Variants in C6orf141 observed in about 807,000 individuals in gnomAD.
C6orf141 encodes the protein uncharacterized protein C6orf141.
For missense variants in C6orf141, 361 were observed against 335.8 expected (o/e 1.07, Z -0.59); for synonymous variants, 164 against 140.5 (o/e 1.17, Z -1.18).
chr6:49,561,423 T>G (rs1773305275), intron 4 of C6orf141, among the ~76,000 whole-genome samples: 1 of 152,138 alleles, frequency 6.6e-6, no homozygotes, highest in South Asian at 2.1e-4. Context: ...TAGAGCTCGC[T>G]TTGAGTGTAC....
downstream of C6orf141, chr6:49,554,915 C>T (rs903455180): frequency 6.6e-6 from 1 of 152,148 alleles, no homozygotes; most frequent in African/African-American, 2.4e-5. Flanking sequence ...ATTTGAAGAG[C>T]CTGAGAAATC....
intron 4 of C6orf141, among the ~76,000 whole-genome samples, chr6:49,558,210 C>T (rs1772447815): frequency 6.6e-6 from 1 of 151,520 alleles, no homozygotes; most frequent in Admixed American, 6.6e-5. Flanking sequence ...GCCTCTAATG[C>T]AATAGTCTTG....
In C6orf141 at chr6:49,551,834, C is replaced by G; in HGVS notation, c.*307C>G. ...TTAATTTGCATTTTGGAATAACTCT[C>G]AATTGATCTCTTTTCTGTTCCCCGC... On this transcript the variant is annotated 3_prime_UTR_variant, in exon 1 of 1. Coordinates refer to ENST00000529246, the MANE Select transcript of C6orf141 (RefSeq NM_001145652.2). 1.6e-6 allele frequency: 2 copies of G among 1,222,456 alleles called. No individual in the cohort carries two copies. The highest frequency in any genetic ancestry group is 2.1e-6 in the Non-Finnish European group (2 of 967,634). The allele number at this position is 1,222,456 out of a possible 1,614,324, so 75.7% of individuals were successfully genotyped here. A position where few individuals can be genotyped will look rare whatever the true frequency, so the allele number is the denominator to read the frequency against.
Position 49,551,251 on chromosome 6 carries a change from C to G in C6orf141, c.459C>G (p.Asp153Glu), listed in dbSNP as rs763220459. The G allele has an allele frequency of 1.9e-6, 3 of 1,551,536 alleles. No homozygotes were observed. The highest frequency in any genetic ancestry group is 1.7e-6 in the Non-Finnish European group (2 of 1,146,982). ...TAGCCCCGCCGCGGGACGCAGCAGACCCACCCAAATACGTGCTTGTGCGGG... is the reference window on the plus strand; with the variant it reads ...TAGCCCCGCCGCGGGACGCAGCAGAGCCACCCAAATACGTGCTTGTGCGGG... The part of the protein sequence containing the change: ...RRVAPPRDAA[D>E]PPKYVLVRVE... Residue 153 changes from aspartate (D) to glutamate (E), a missense_variant, in exon 1 of 1, where the codon GAC becomes GAG. Physicochemically the swap from Asp to Glu is conservative, Grantham distance 45. Transcript: ENST00000529246.
exon 1 of C6orf141, chr6:49,551,257 C>CA (rs1561990185): frequency 6.4e-7 from 1 of 1,551,640 alleles, no homozygotes; most frequent in Admixed American, 2.0e-5. Context: ...CAGACCCACC[C>CA]AAATACGTGC....
At chr6:49,550,895 G>T (rs1481492609) in exon 1 of C6orf141, 1 of 1,525,654 alleles carries the variant, frequency 6.6e-7, no homozygotes, top group African/African-American at 1.4e-5. Context: ...TTTTCCGCGG[G>T]AGGTAGGGCG....
intron 4 of C6orf141, among the ~76,000 whole-genome samples, chr6:49,560,339 G>T (rs1331603790): frequency 6.6e-6 from 1 of 151,964 alleles, no homozygotes; most frequent in Non-Finnish European, 1.5e-5. Context: ...GAAAGAGATT[G>T]GTCATTTTTC....
Position 49,551,934 on chromosome 6 carries a change from G to C in C6orf141, c.*407G>C, listed in dbSNP as rs539812658. 3.4e-4 allele frequency: 347 copies of C among 1,035,572 alleles called. 1 individual carries two copies. In the African/African-American group the frequency reaches 5.6e-3, roughly 17 times the overall value. 64.1% of individuals were successfully genotyped at this position (1,035,572 alleles called of 1,614,324 possible). A position where few individuals can be genotyped will look rare whatever the true frequency, so the allele number is the denominator to read the frequency against. On this transcript the variant is annotated 3_prime_UTR_variant, in exon 1 of 1. Coordinates refer to ENST00000529246, the MANE Select transcript of C6orf141 (RefSeq NM_001145652.2). The stretch of plus-strand genomic sequence containing the variant: ...TCTGCTCTCTGCAAAGAGGGTGGGA[G>C]TGGGTGGAGAAGAGGCTTGTTTTAA...
In C6orf141 at chr6:49,551,911, T is replaced by C. The variant is rs1436625205; in HGVS notation, c.*384T>C. On this transcript the variant is annotated 3_prime_UTR_variant, in exon 1 of 1. Transcript: ENST00000529246. The stretch of plus-strand genomic sequence containing the variant: ...AGAAACAGAAGTGAAGTTTGAAGTC[T>C]GCTCTCTGCAAAGAGGGTGGGAGTG... 2.8e-6 allele frequency: 3 copies of C among 1,089,752 alleles called. No homozygotes were observed. Among genetic ancestry groups the C allele is most frequent in the Non-Finnish European group, 3.4e-6 (3 of 886,182 alleles). 67.5% of individuals were successfully genotyped at this position (1,089,752 alleles called of 1,614,324 possible). A position where few individuals can be genotyped will look rare whatever the true frequency, so the allele number is the denominator to read the frequency against.
chr6:49,558,793 C>T lies in C6orf141; in HGVS notation c.*764-2911C>T, dbSNP rs143136700. Reference sequence around the variant, plus strand: ...CACGATCTTGGCTCACTGCAAGCTCCGCCTCCTGGGTCCACGTGATTCTCC... The same window carrying T: ...CACGATCTTGGCTCACTGCAAGCTCTGCCTCCTGGGTCCACGTGATTCTCC... On this transcript the variant is annotated intron_variant and NMD_transcript_variant, in intron 4 of 4. Transcript: ENST00000371194. Among the ~76,000 whole-genome samples, 902 of 151,906 alleles carry T rather than the reference C, an allele frequency of 5.9e-3. 9 individuals carry two copies. Among genetic ancestry groups the T allele is most frequent in the African/African-American group, 0.02 (834 of 41,452 alleles).
At chr6:49,558,057 A>ATGTTTTTTTGTTTTTTTTT (rs1287712748) in intron 4 of C6orf141, among the ~76,000 whole-genome samples, 24 of 86,370 alleles carry the variant, frequency 2.8e-4, no homozygotes, top group African/African-American at 1.0e-3. Context: ...ACACTCAAAT[A>ATGTTTTTTTGTTTTTTTTT]TGTTTTTTTT....
At chr6:49,560,638 A>T (rs1773126823) in intron 4 of C6orf141, 1 of 152,208 alleles carries the variant, frequency 6.6e-6, no homozygotes, top group Non-Finnish European at 1.5e-5. Context: ...AGTAGCTGGG[A>T]TTACAGGCGC....
intron 4 of C6orf141, among the ~76,000 whole-genome samples, chr6:49,561,448 C>T (rs907683112): frequency 6.6e-6 from 1 of 152,092 alleles, no homozygotes; most frequent in Non-Finnish European, 1.5e-5. Flanking sequence ...TGTCTTCAAT[C>T]CTTATATATA....
At chr6:49,555,511 G>GTTTT, downstream of C6orf141, among the ~76,000 whole-genome samples, 2 of 24,892 alleles carry the variant, frequency 8.0e-5, no homozygotes, top group South Asian at 2.3e-3. Flanking sequence ...GCCCAGGCTA[G>GTTTT]TCTTTTTTTT....
chr6:49,560,281 C>T (rs144043795), intron 4 of C6orf141, among the ~76,000 whole-genome samples: 6,546 of 152,074 alleles, frequency 0.043, 206 homozygotes, highest in East Asian at 0.12. Flanking sequence ...CGCCACCGCA[C>T]TCCAGCCTGG....
downstream of C6orf141, among the ~76,000 whole-genome samples, chr6:49,555,823 A>G (rs888841140): frequency 2.6e-5 from 4 of 152,122 alleles, no homozygotes; most frequent in Non-Finnish European, 5.9e-5. Flanking sequence ...CCAGGCTAGT[A>G]TTAAAATCCT....
At chr6:49,552,622 A>C (rs1269041535), downstream of C6orf141, 1 of 152,224 alleles carries the variant, frequency 6.6e-6, no homozygotes, top group African/African-American at 2.4e-5. Flanking sequence ...CTCCTTCCCC[A>C]GTCTTCCCTT....
downstream of C6orf141, among the ~76,000 whole-genome samples, chr6:49,555,531 C>T (rs796742035): frequency 0.039 from 293 of 7,484 alleles, 1 homozygote; most frequent in African/African-American, 0.058. Context: ...TTTTTTGAGA[C>T]GGAGCCTCGC....
Position 49,550,685 on chromosome 6 carries a change from G to C in C6orf141, c.-108G>C, listed in dbSNP as rs545503167. 4 of 1,015,564 alleles carry C rather than the reference G, an allele frequency of 3.9e-6. No homozygotes were observed. Among genetic ancestry groups the C allele is most frequent in the Non-Finnish European group, 5.5e-6 (4 of 724,868 alleles). The allele number at this position is 1,015,564 out of a possible 1,614,324, so 62.9% of individuals were successfully genotyped here. A position where few individuals can be genotyped will look rare whatever the true frequency, so the allele number is the denominator to read the frequency against. On this transcript the variant is annotated 5_prime_UTR_variant, in exon 1 of 1. Coordinates refer to ENST00000529246, the MANE Select transcript of C6orf141 (RefSeq NM_001145652.2). ...GCTGATCTAGTCTTCAGCTTTCACC[G>C]GCTGGGAGTCCGGAGCTGCAGCAGA...
Sources: allele counts gnomAD v4.1 joint callset (sites outside exome capture counted in the v4.1 genomes callset), GRCh38; gene constraint gnomAD v4.1.1; transcripts MANE v1.5; gene names NCBI Gene and HGNC (gene_info 2026-07-23, HGNC 2026-07-21).